The following PLCB4 variants were observed in gnomAD, a reference collection of about 807,000 sequenced individuals.
PLCB4 encodes phospholipase C beta 4.
PLCB4 carries 77 observed loss-of-function variants against 178.8 expected under a neutral mutation model. The ratio of observed to expected loss-of-function variants is 0.43; its 90% CI spans 0.36 to 0.52. PLCB4 has a LOEUF of 0.52. Among genes scored for constraint, PLCB4 ranks in the 20% least tolerant of loss-of-function variants. The probability of loss-of-function intolerance (pLI) is 0.00; values close to 1 mark genes in which losing one functional copy is unlikely to be tolerated. For synonymous variants in PLCB4, 496 were observed against 490.8 expected, an observed-to-expected ratio of 1.01 and a Z score of -0.14; for missense variants, 1,024 against 1,453.4, an observed-to-expected ratio of 0.70 and a Z score of 4.80.
At chr20:9,363,412 A>G (rs1480965425) in intron 8 of PLCB4, among the ~76,000 whole-genome samples, 1 of 152,224 alleles carries the variant, frequency 6.6e-6, no homozygotes. Context: ...AAGAAGCCTC[A>G]GCCCCAAGTG....
In PLCB4 at chr20:9,443,962, A is replaced by AT. The variant is rs771718837; in HGVS notation, c.2765-11dup. 120 of 1,456,260 alleles carry AT rather than the reference A, an allele frequency of 8.2e-5. No homozygotes were observed. Among genetic ancestry groups the AT allele is most frequent in the Non-Finnish European group, 8.9e-5 (93 of 1,047,508 alleles). The allele number at this position is 1,456,260 out of a possible 1,614,324, so 90.2% of individuals were successfully genotyped here. On this transcript the variant is annotated intron_variant, in intron 30 of 39. Coordinates refer to ENST00000378473, the MANE Select transcript of PLCB4 (RefSeq NM_001377142.1). ...GATTTTTAGTATACATAGTGACTTA[A>AT]TTTTTTTTGTTTGTTTAGGTATTGA...
intron 3 of PLCB4, among the ~76,000 whole-genome samples, chr20:9,301,533 C>T (rs1473418880): frequency 6.6e-6 from 1 of 152,066 alleles, no homozygotes; most frequent in African/African-American, 2.4e-5. Context: ...GCAAGGAAGA[C>T]AAGACAGCAG....
In PLCB4 at chr20:9,296,776, C is replaced by T. The variant is rs1374505978; in HGVS notation, c.-15-11024C>T. On this transcript the variant is annotated intron_variant, in intron 3 of 39. Coordinates refer to ENST00000378473, the MANE Select transcript of PLCB4 (RefSeq NM_001377142.1). ...TGCAAGGACAAAAAACCAAACACCG[C>T]ATGTTCTCACTTATAGGTGGGAATT... 2.0e-5 allele frequency among the ~76,000 whole-genome samples: 3 copies of T among 151,718 alleles called. No homozygotes were observed. The East Asian group carries it at 5.8e-4, about 29-fold the overall frequency.
chr20:9,283,820 C>G (rs1290219893), intron 3 of PLCB4, among the ~76,000 whole-genome samples: 2 of 151,716 alleles, frequency 1.3e-5, no homozygotes, highest in Non-Finnish European at 2.9e-5. Flanking sequence ...TATATTTAAC[C>G]CTAATGCCCT....
intron 35 of PLCB4, among the ~76,000 whole-genome samples, chr20:9,465,790 G>T (rs2043737685): frequency 6.6e-6 from 1 of 152,042 alleles, no homozygotes. Context: ...AAAGAGGACA[G>T]AAATGAATGG....
intron 9 of PLCB4, among the ~76,000 whole-genome samples, chr20:9,366,255 G>A (rs6039449): frequency 0.095 from 14,423 of 151,774 alleles, 1,766 homozygotes; most frequent in African/African-American, 0.28. Context: ...AAAATTAGCC[G>A]GGTGTGGTGG....
chr20:9,112,183 C>T (rs1212777750), intron 2 of PLCB4, among the ~76,000 whole-genome samples: 1 of 151,804 alleles, frequency 6.6e-6, no homozygotes, highest in African/African-American at 2.4e-5. Flanking sequence ...GAAGAGAAGG[C>T]CTTTTACAGT....
intron 3 of PLCB4, among the ~76,000 whole-genome samples, chr20:9,218,182 C>T (rs1219890250): frequency 6.6e-6 from 1 of 152,166 alleles, no homozygotes; most frequent in Non-Finnish European, 1.5e-5. Context: ...GCAATCTCGG[C>T]TCACTGCAAC....
intron 17 of PLCB4, among the ~76,000 whole-genome samples, chr20:9,392,700 C>T (rs143290455): frequency 2.2e-4 from 34 of 152,130 alleles, no homozygotes; most frequent in Non-Finnish European, 3.8e-4. Flanking sequence ...AAGAAGATGG[C>T]GTATGGTGCT....
At chr20:9,338,151 C>A in intron 6 of PLCB4, 84 bp downstream of exon 6, 1 of 866,760 alleles carries the variant, frequency 1.2e-6, no homozygotes, top group Non-Finnish European at 1.9e-6. Flanking sequence ...AAAAAACTCA[C>A]TCTTTGTATC....
intron 2 of PLCB4, among the ~76,000 whole-genome samples, chr20:9,148,382 G>A (rs890862995): frequency 6.6e-6 from 1 of 152,140 alleles, no homozygotes; most frequent in African/African-American, 2.4e-5. Flanking sequence ...TTTGAAATAG[G>A]AAGAATAGAG....
At chr20:9,070,083 T>C (rs533280958) in intron 1 of PLCB4, among the ~76,000 whole-genome samples, 1 of 152,284 alleles carries the variant, frequency 6.6e-6, no homozygotes, top group East Asian at 1.9e-4. Flanking sequence ...GTTATAGGTA[T>C]GTGGAGATAG....
intron 32 of PLCB4, 118 bp from the exon 33 acceptor site, chr20:9,453,229 G>T (rs1278747140): frequency 3.1e-6 from 2 of 643,214 alleles, no homozygotes; most frequent in African/African-American, 1.8e-5. Flanking sequence ...CTCAGATTTG[G>T]TTATTCCTTG....
intron 10 of PLCB4, among the ~76,000 whole-genome samples, chr20:9,371,914 C>T (rs1304967871): frequency 6.6e-6 from 1 of 152,148 alleles, no homozygotes; most frequent in African/African-American, 2.4e-5. Flanking sequence ...CATGGTCTTG[C>T]AAAAATTCAC....
At chr20:9,258,247 C>T (rs2094257402) in intron 3 of PLCB4, among the ~76,000 whole-genome samples, 1 of 152,136 alleles carries the variant, frequency 6.6e-6, no homozygotes, top group Non-Finnish European at 1.5e-5. Context: ...ACATTATTCA[C>T]ATTTTTATGT....
At chr20:9,128,837 C>T (rs2092199873) in intron 2 of PLCB4, among the ~76,000 whole-genome samples, 1 of 152,122 alleles carries the variant, frequency 6.6e-6, no homozygotes, top group South Asian at 2.1e-4. Context: ...TTCCTCCCTC[C>T]CCCAGCTCCT....
intron 1 of PLCB4, among the ~76,000 whole-genome samples, chr20:9,075,586 A>G (rs6133660): frequency 0.62 from 94,889 of 152,104 alleles, 29,723 homozygotes; most frequent in South Asian, 0.72. Flanking sequence ...CTAAGGGCCA[A>G]GTAAGTGAAA....
chr20:9,305,031 G>A (rs1344093006), intron 3 of PLCB4, among the ~76,000 whole-genome samples: 5 of 98,148 alleles, frequency 5.1e-5, no homozygotes, highest in South Asian at 6.5e-4. Flanking sequence ...ATGCTATCCC[G>A]CCCCCCTCCC....
chr20:9,150,574 T>C (rs977153580), intron 2 of PLCB4, among the ~76,000 whole-genome samples: 1 of 152,190 alleles, frequency 6.6e-6, no homozygotes, highest in Non-Finnish European at 1.5e-5. Context: ...GAATACTTAC[T>C]ATGTAGCCAT....
Sources: allele counts gnomAD v4.1 joint callset (sites outside exome capture counted in the v4.1 genomes callset), GRCh38; gene constraint gnomAD v4.1.1; transcripts MANE v1.5; gene names NCBI Gene and HGNC (gene_info 2026-07-23, HGNC 2026-07-21).